VAT1L: variants seen among roughly 807,000 people sequenced by gnomAD.
VAT1L encodes putative NADPH-dependent quinone oxidoreductase VAT1L.
VAT1L carries 34 observed loss-of-function variants against 44.1 expected under a neutral mutation model. The ratio of observed to expected loss-of-function variants is 0.77; its 90% CI spans 0.59 to 1.03. The LOEUF (loss-of-function observed/expected upper bound fraction) is 1.03. Among genes scored for constraint, VAT1L ranks in the 50% least tolerant of loss-of-function variants. The pLI is 0.00. For synonymous variants in VAT1L, 253 were observed against 202.2 expected (o/e 1.25, Z -2.13); for missense variants, 615 against 538.8 (o/e 1.14, Z -1.40).
intron 7 of VAT1L, among the ~76,000 whole-genome samples, chr16:77,927,642 C>T (rs879569662): frequency 6.6e-6 from 1 of 152,004 alleles, no homozygotes; most frequent in Admixed American, 6.6e-5. Context: ...CTTTGGGAGG[C>T]TGAGGTGGGC....
At chr16:77,790,246 A>T (rs2015808718) in intron 1 of VAT1L, among the ~76,000 whole-genome samples, 1 of 152,180 alleles carries the variant, frequency 6.6e-6, no homozygotes, top group South Asian at 2.1e-4. Context: ...TTTGACTCTG[A>T]ACACGACTCG....
chr16:77,788,849 T>C lies in VAT1L; in HGVS notation c.167T>C (p.Leu56Pro). Residue 56 changes from leucine to proline, a missense_variant, in exon 1 of 9, where the codon CTG (leucine) becomes CCG (proline). By Grantham distance (98) the Leu-to-Pro change is moderately conservative (BLOSUM62 -3). Transcript: ENST00000302536. ...VLAGFGGLNK[L>P]RLFRKAMPEP... ...GCTGGCTTCGGGGGGCTCAACAAGC[T>C]GCGGCTCTTCAGGAAGGCCATGCCC... 6.3e-7 allele frequency: 1 copy of C among 1,579,048 alleles called. No individual in the cohort carries two copies. Among genetic ancestry groups the C allele is most frequent in the Non-Finnish European group, 8.6e-7 (1 of 1,164,016 alleles).
chr16:77,843,320 C>T (rs1318330575), intron 3 of VAT1L, among the ~76,000 whole-genome samples: 3 of 151,978 alleles, frequency 2.0e-5, no homozygotes, highest in Non-Finnish European at 4.4e-5. Context: ...ATGGGGCTGG[C>T]AGGGTGGTAA....
At chr16:77,917,756 A>G (rs2017566438) in intron 7 of VAT1L, among the ~76,000 whole-genome samples, 1 of 152,118 alleles carries the variant, frequency 6.6e-6, no homozygotes, top group Non-Finnish European at 1.5e-5. Flanking sequence ...TGTAAGAGAG[A>G]TTATTACCAA....
intron 7 of VAT1L, among the ~76,000 whole-genome samples, chr16:77,970,977 T>A (rs1302436664): frequency 6.6e-6 from 1 of 151,350 alleles, no homozygotes; most frequent in East Asian, 2.0e-4. Context: ...ATTTGAGACT[T>A]CAGGAAAAAT....
intron 8 of VAT1L, among the ~76,000 whole-genome samples, chr16:77,975,271 G>A (rs424891): frequency 2.3e-5 from 3 of 129,762 alleles, no homozygotes; most frequent in Non-Finnish European, 3.1e-5. Context: ...GTGCAGTGGT[G>A]TGATCTCAGC....
At chr16:77,790,086 C>A (rs1210350117) in intron 1 of VAT1L, among the ~76,000 whole-genome samples, 1 of 152,222 alleles carries the variant, frequency 6.6e-6, no homozygotes, top group African/African-American at 2.4e-5. Flanking sequence ...ATCTGGACCT[C>A]TCTAGAGGCA....
intron 1 of VAT1L, among the ~76,000 whole-genome samples, chr16:77,804,670 C>T (rs955217097): frequency 2.6e-5 from 4 of 152,154 alleles, no homozygotes; most frequent in East Asian, 1.9e-4. Context: ...TGGGATTCTA[C>T]GCTTTCCCCT....
chr16:77,890,708 A>G (rs2017255428), intron 7 of VAT1L, among the ~76,000 whole-genome samples: 1 of 150,504 alleles, frequency 6.6e-6, no homozygotes, highest in African/African-American at 2.4e-5. Context: ...AGATTGCTTG[A>G]GCCCAGGAGT....
At chr16:77,938,967 C>T (rs141455272) in intron 7 of VAT1L, among the ~76,000 whole-genome samples, 93 of 152,082 alleles carry the variant, frequency 6.1e-4, no homozygotes, top group Non-Finnish European at 1.0e-3. Flanking sequence ...TGGTGTGACC[C>T]TGGATCTTCT....
chr16:77,960,177 G>A (rs1189494477), intron 7 of VAT1L, among the ~76,000 whole-genome samples: 1 of 152,136 alleles, frequency 6.6e-6, no homozygotes, highest in African/African-American at 2.4e-5. Flanking sequence ...ATGGCTCCAT[G>A]AGACTGTAAA....
chr16:77,887,202 G>T (rs763811102), intron 7 of VAT1L, among the ~76,000 whole-genome samples: 30 of 152,178 alleles, frequency 2.0e-4, no homozygotes, highest in Admixed American at 4.6e-4. Flanking sequence ...TCCCAAAGGG[G>T]CATTATTGTG....
intron 7 of VAT1L, among the ~76,000 whole-genome samples, chr16:77,940,702 A>G (rs374955): frequency 0.43 from 64,711 of 151,936 alleles, 13,990 homozygotes; most frequent in South Asian, 0.55. Flanking sequence ...TCAATGATAC[A>G]TCCATAATTA....
At chr16:77,906,531 G>A (rs1441156572) in intron 7 of VAT1L, among the ~76,000 whole-genome samples, 6 of 152,206 alleles carry the variant, frequency 3.9e-5, no homozygotes, top group Non-Finnish European at 8.8e-5. Flanking sequence ...ATCCCAGAGA[G>A]AAAAAGTGAG....
intron 1 of VAT1L, among the ~76,000 whole-genome samples, chr16:77,812,032 A>T (rs985397774): frequency 6.6e-6 from 1 of 151,492 alleles, no homozygotes; most frequent in Non-Finnish European, 1.5e-5. Flanking sequence ...AAACCCAAGC[A>T]CCTGCATCTG....
intron 7 of VAT1L, among the ~76,000 whole-genome samples, chr16:77,952,904 G>A (rs980332081): frequency 1.4e-5 from 2 of 145,186 alleles, no homozygotes; most frequent in Non-Finnish European, 3.0e-5. Flanking sequence ...GTGTTGGAGA[G>A]TGTCCCCCTA....
At chr16:77,907,180 C>T (rs1171547707) in intron 7 of VAT1L, among the ~76,000 whole-genome samples, 1 of 152,216 alleles carries the variant, frequency 6.6e-6, no homozygotes, top group Non-Finnish European at 1.5e-5. Context: ...ATCAACATGA[C>T]ATCACTGAAT....
chr16:77,947,627 A>C (rs1045531868), intron 7 of VAT1L, among the ~76,000 whole-genome samples: 2 of 152,156 alleles, frequency 1.3e-5, no homozygotes, highest in Non-Finnish European at 2.9e-5. Flanking sequence ...GGCCCAGCAC[A>C]CAACATCCCC....
intron 7 of VAT1L, among the ~76,000 whole-genome samples, chr16:77,911,317 A>C (rs962248919): frequency 1.3e-5 from 2 of 152,146 alleles, no homozygotes; most frequent in African/African-American, 4.8e-5. Flanking sequence ...TGGTGGCTTT[A>C]ATTACTTGAT....
Sources: allele counts gnomAD v4.1 joint callset (sites outside exome capture counted in the v4.1 genomes callset), GRCh38; gene constraint gnomAD v4.1.1; transcripts MANE v1.5; gene names NCBI Gene and HGNC (gene_info 2026-07-23, HGNC 2026-07-21).